RMDN2: variants seen among roughly 807,000 people sequenced by gnomAD.
The protein encoded by RMDN2 is regulator of microtubule dynamics protein 2.
Under a neutral mutation model 52.8 loss-of-function variants are expected in RMDN2, and 61 were observed. The observed-to-expected ratio is 1.16, with a 90% CI of 0.94 to 1.43. RMDN2 has a LOEUF of 1.43. Ranked by LOEUF, RMDN2 falls within the 40% of genes most tolerant of loss-of-function variation. The pLI, the probability that RMDN2 is intolerant of heterozygous loss-of-function variation, is 0.00. For missense variants in RMDN2, 592 were observed against 475.3 expected (o/e 1.25, Z -2.28); for synonymous variants, 180 against 153.1 (o/e 1.18, Z -1.30).
In RMDN2 at chr2:37,929,748, T is replaced by C. The variant is rs573670019; in HGVS notation, c.452+19T>C. 53 of 1,445,246 alleles carry C rather than the reference T, an allele frequency of 3.7e-5. No individual in the cohort carries two copies. The East Asian group carries it at 1.3e-3, about 35-fold the overall frequency. The allele number at this position is 1,445,246 out of a possible 1,614,324, so 89.5% of individuals were successfully genotyped here. On this transcript the variant is annotated intron_variant, in intron 2 of 10. Transcript: ENST00000354545. ...AAGGAGGGTAAGTTTCTTTAAGATA[T>C]TTCCTATGTTGAATTGGTTATTATC...
At chr2:38,056,211 TCCTC>T (rs1312167044) in intron 10 of RMDN2, among the ~76,000 whole-genome samples, 1 of 152,140 alleles carries the variant, frequency 6.6e-6, no homozygotes, top group African/African-American at 2.4e-5. Flanking sequence ...GATCCTCTCA[TCCTC>T]CCTCCCTGAT....
intron 2 of RMDN2, among the ~76,000 whole-genome samples, chr2:37,946,150 C>G (rs1668201758): frequency 6.6e-6 from 1 of 152,248 alleles, no homozygotes; most frequent in African/African-American, 2.4e-5. Context: ...CGTTATAGAA[C>G]TGAATCATAA....
chr2:38,013,041 T>C (rs1355314281), intron 10 of RMDN2, among the ~76,000 whole-genome samples: 1 of 152,258 alleles, frequency 6.6e-6, no homozygotes, highest in East Asian at 1.9e-4. Context: ...GTAAGCAGCT[T>C]TACATTCCCA....
chr2:37,950,684 T>A, intron 2 of RMDN2: 1 of 1,277,100 alleles, frequency 7.8e-7, no homozygotes, highest in Non-Finnish European at 1.1e-6. Context: ...TTGTTTCCCA[T>A]AATAACTGGA....
intron 2 of RMDN2, chr2:37,951,436 A>T: frequency 5.0e-6 from 8 of 1,612,868 alleles, no homozygotes; most frequent in Non-Finnish European, 5.9e-6. Flanking sequence ...TCTTTCTCTG[A>T]AAGAAGATAT....
intron 10 of RMDN2, among the ~76,000 whole-genome samples, chr2:38,053,087 TA>T (rs1246986325): frequency 6.6e-6 from 1 of 152,218 alleles, no homozygotes; most frequent in African/African-American, 2.4e-5. Context: ...TTAAAAGTAA[TA>T]TTTTTTTAAA....
chr2:37,993,111 G>C (rs1023705936), intron 7 of RMDN2, among the ~76,000 whole-genome samples: 1 of 151,996 alleles, frequency 6.6e-6, no homozygotes, highest in Non-Finnish European at 1.5e-5. Context: ...TTTTAGTAGA[G>C]ACGGAGTTTC....
rs567793552 is a variant in RMDN2 at position 37,963,715 on chromosome 2, C to T, written c.453-10325C>T. The stretch of plus-strand genomic sequence containing the variant: ...AAAATGGAGTCTCCTATGTCTACTT[C>T]TTTCTACACAGACACAGCAACAATC... On this transcript the variant is annotated intron_variant, in intron 2 of 10. Coordinates refer to ENST00000354545, the MANE Select transcript of RMDN2 (RefSeq NM_001170791.3). Among the ~76,000 whole-genome samples the T allele has an allele frequency of 1.5e-3, 236 of 152,354 alleles. 1 individual carries two copies. Among genetic ancestry groups the T allele is most frequent in the African/African-American group, 5.5e-3 (228 of 41,592 alleles).
intron 10 of RMDN2, among the ~76,000 whole-genome samples, chr2:38,059,838 G>A (rs1046449071): frequency 6.6e-6 from 1 of 152,134 alleles, no homozygotes; most frequent in African/African-American, 2.4e-5. Flanking sequence ...CACTGAAGAA[G>A]AAGGACAGGG....
chr2:37,967,634 A>T (rs1026436083), intron 2 of RMDN2, among the ~76,000 whole-genome samples: 2 of 152,208 alleles, frequency 1.3e-5, no homozygotes, highest in South Asian at 2.1e-4. Context: ...TTAGTAGGAA[A>T]ATTCTGGGGA....
intron 2 of RMDN2, among the ~76,000 whole-genome samples, chr2:37,963,768 C>A (rs1347708175): frequency 1.3e-5 from 2 of 152,180 alleles, no homozygotes; most frequent in Non-Finnish European, 2.9e-5. Context: ...CCCCACATTT[C>A]CCCCCTTTCT....
Position 37,999,336 on chromosome 2 carries a change from A to C in RMDN2, c.1044+1822A>C, listed in dbSNP as rs373978449. Among the ~76,000 whole-genome samples the C allele has an allele frequency of 2.0e-5, 3 of 152,194 alleles. No individual in the cohort carries two copies. The East Asian group carries it at 5.8e-4, about 29-fold the overall frequency. ...GTACTTACCTCATAGTGGTGTTGTA[A>C]GGATTATCTACATTCTTACAAGTAA... On this transcript the variant is annotated intron_variant, in intron 8 of 10. Transcript: ENST00000354545.
chr2:38,066,958 C>T (rs201910901), intron 10 of RMDN2: 13 of 1,613,394 alleles, frequency 8.1e-6, no homozygotes, highest in Non-Finnish European at 1.0e-5. Flanking sequence ...ATTTTTACTT[C>T]TTTTCCTGTT....
upstream of RMDN2, among the ~76,000 whole-genome samples, chr2:37,920,964 G>A (rs1314768346): frequency 6.6e-6 from 1 of 152,198 alleles, no homozygotes; most frequent in African/African-American, 2.4e-5. Flanking sequence ...GTTAGTACAT[G>A]CCTTTTTGAA....
At position 37,933,395 on chromosome 2, in the gene RMDN2, C is replaced by T. The variant is rs377047247; in HGVS notation, c.452+3666C>T. Among the ~76,000 whole-genome samples, 219 of 152,340 alleles carry T rather than the reference C, an allele frequency of 1.4e-3. 5 individuals are homozygous for T. In the East Asian group the frequency reaches 0.037, roughly 26 times the overall value. On this transcript the variant is annotated intron_variant, in intron 2 of 10. Coordinates refer to ENST00000354545, the MANE Select transcript of RMDN2 (RefSeq NM_001170791.3). ...GGCGGCTGGGCAGAGGCTGCAATCT[C>T]GGCACTTTGGGAGGCCAAGGCAGGC...
At chr2:37,926,789 A>G (rs1351643126) in intron 1 of RMDN2, among the ~76,000 whole-genome samples, 1 of 152,208 alleles carries the variant, frequency 6.6e-6, no homozygotes, top group African/African-American at 2.4e-5. Flanking sequence ...TGTAAAAATT[A>G]GCCGGGCGTG....
At chr2:38,027,285 G>A (rs1440613276) in intron 10 of RMDN2, 1 of 152,152 alleles carries the variant, frequency 6.6e-6, no homozygotes, top group Non-Finnish European at 1.5e-5. Context: ...GGTTCATCTT[G>A]TTTGTTACCC....
chr2:38,020,149 T>G (rs1203851766), downstream of RMDN2, among the ~76,000 whole-genome samples: 4 of 152,222 alleles, frequency 2.6e-5, no homozygotes, highest in African/African-American at 9.6e-5. Context: ...GGTTTCAGGA[T>G]GATTCAAGTG....
chr2:38,059,690 G>T (rs1031976816), intron 10 of RMDN2, among the ~76,000 whole-genome samples: 4 of 152,122 alleles, frequency 2.6e-5, no homozygotes, highest in Non-Finnish European at 5.9e-5. Context: ...GATGAGAGAT[G>T]AACTCAAGCT....
Sources: allele counts gnomAD v4.1 joint callset (sites outside exome capture counted in the v4.1 genomes callset), GRCh38; gene constraint gnomAD v4.1.1; transcripts MANE v1.5; gene names NCBI Gene and HGNC (gene_info 2026-07-23, HGNC 2026-07-21).